RORB: variants seen among roughly 807,000 people sequenced by gnomAD.
RORB encodes the protein RAR related orphan receptor B.
In RORB, 6 loss-of-function variants were observed where a neutral mutation model predicts 59.1. The observed-to-expected ratio is 0.10, with a 90% CI of 0.06 to 0.20. The LOEUF (loss-of-function observed/expected upper bound fraction) is 0.20, where lower values mean the gene tolerates loss of function less well. Among genes scored for constraint, RORB ranks in the 10% least tolerant of loss-of-function variants. The pLI, the probability that RORB is intolerant of heterozygous loss-of-function variation, is 1.00. For synonymous variants in RORB, 215 were observed against 204.5 expected (o/e 1.05, Z -0.44); for missense variants, 320 against 560.5 (o/e 0.57, Z 4.33).
rs188874518 is a variant in RORB, at chr9:74,667,181, C to T, written c.1001-610C>T. 4.3e-3 allele frequency among the ~76,000 whole-genome samples: 657 copies of T among 152,224 alleles called. 1 individual carries two copies. The highest frequency in any genetic ancestry group is 0.024 in the Middle Eastern group (7 of 294). On this transcript the variant is annotated intron_variant, in intron 7 of 9. Transcript: ENST00000376896. ...GATGCAACATTATTTTGCCAAAATA[C>T]GCAACAGCTAAGCAACTGACCTGTG...
At chr9:74,499,371 C>T (rs761159320) in intron 1 of RORB, among the ~76,000 whole-genome samples, 2 of 152,188 alleles carry the variant, frequency 1.3e-5, no homozygotes, top group Non-Finnish European at 2.9e-5. Context: ...CTCACTCCCA[C>T]TCCCTCCCGC....
At chr9:74,511,436 CT>C (rs1229433353) in intron 1 of RORB, among the ~76,000 whole-genome samples, 13 of 151,092 alleles carry the variant, frequency 8.6e-5, no homozygotes, top group South Asian at 4.2e-4. Context: ...TTTTCTTCTT[CT>C]TTTTTTTTCT....
intron 1 of RORB, among the ~76,000 whole-genome samples, chr9:74,562,706 G>C (rs1822413539): frequency 6.6e-6 from 1 of 152,222 alleles, no homozygotes; most frequent in South Asian, 2.1e-4. Context: ...ATCCATGTCA[G>C]TGAGGAACTT....
intron 8 of RORB, among the ~76,000 whole-genome samples, chr9:74,670,732 C>T (rs1291352507): frequency 6.6e-6 from 1 of 152,168 alleles, no homozygotes; most frequent in Non-Finnish European, 1.5e-5. Flanking sequence ...CTCCAGGGTC[C>T]TGACATAAGA....
At chr9:74,614,336 T>G (rs1275275023) in intron 1 of RORB, among the ~76,000 whole-genome samples, 1 of 152,120 alleles carries the variant, frequency 6.6e-6, no homozygotes, top group Admixed American at 6.5e-5. Context: ...ATGTTATGAT[T>G]TGTTTAATAT....
chr9:74,584,350 T>C (rs151205244), intron 1 of RORB, among the ~76,000 whole-genome samples: 1 of 152,310 alleles, frequency 6.6e-6, no homozygotes, highest in East Asian at 1.9e-4. Flanking sequence ...GGCAAAATAT[T>C]TATCCTCTCT....
chr9:74,504,258 C>A (rs2118021182), intron 1 of RORB, among the ~76,000 whole-genome samples: 1 of 152,080 alleles, frequency 6.6e-6, no homozygotes, highest in Non-Finnish European at 1.5e-5. Flanking sequence ...AAAAATAACA[C>A]TTAGAAGGTA....
chr9:74,608,734 A>G (rs1419833714), intron 1 of RORB, among the ~76,000 whole-genome samples: 3 of 152,186 alleles, frequency 2.0e-5, no homozygotes, highest in Non-Finnish European at 4.4e-5. Flanking sequence ...ATATTTGCAA[A>G]CCCAGTCGCC....
At chr9:74,653,111 G>C (rs1824022494) in intron 4 of RORB, among the ~76,000 whole-genome samples, 1 of 152,144 alleles carries the variant, frequency 6.6e-6, no homozygotes, top group Admixed American at 6.5e-5. Flanking sequence ...AAAACTGGCT[G>C]TCTGTTTTGA....
chr9:74,503,258 G>A (rs969273369), intron 1 of RORB, among the ~76,000 whole-genome samples: 19 of 151,868 alleles, frequency 1.3e-4, no homozygotes, highest in Admixed American at 3.3e-4. Context: ...ACAGCTTTTT[G>A]CAAATATTTA....
intron 1 of RORB, among the ~76,000 whole-genome samples, chr9:74,618,222 C>T (rs779790892): frequency 9.9e-5 from 15 of 151,946 alleles, no homozygotes; most frequent in Admixed American, 3.3e-4. Flanking sequence ...GCATCAGTGG[C>T]TAAAGGCACA....
At chr9:74,550,644 T>C (rs1826592881) in intron 1 of RORB, among the ~76,000 whole-genome samples, 1 of 152,246 alleles carries the variant, frequency 6.6e-6, no homozygotes, top group Non-Finnish European at 1.5e-5. Context: ...GGATGTCACT[T>C]AAAACCATTT....
At position 74,692,700 on chromosome 9, in the gene RORB, A is replaced by C. The variant is rs1416143897; in HGVS notation, c.*7082A>C. 1 of 152,238 alleles carries C rather than the reference A, an allele frequency of 6.6e-6. No homozygotes were observed. The highest frequency in any genetic ancestry group is 2.4e-5 in the African/African-American group (1 of 41,464). 9.4% of individuals were successfully genotyped at this position (152,238 alleles called of 1,614,324 possible). ...ATAATAATTCTACTTTTTTAAAAGAATAATGTCTCTTATAGTCACCATTGA... is the reference window on the plus strand; with the variant it reads ...ATAATAATTCTACTTTTTTAAAAGACTAATGTCTCTTATAGTCACCATTGA... On this transcript the variant is annotated 3_prime_UTR_variant, in exon 10 of 10. Coordinates refer to ENST00000376896, the MANE Select transcript of RORB (RefSeq NM_006914.4).
intron 1 of RORB, among the ~76,000 whole-genome samples, chr9:74,612,780 A>G (rs551031526): frequency 6.6e-6 from 1 of 152,288 alleles, no homozygotes; most frequent in South Asian, 2.1e-4. Context: ...GTTCACAGGG[A>G]ACAATTCTGT....
chr9:74,523,640 A>T (rs1826113315), intron 1 of RORB, among the ~76,000 whole-genome samples: 1 of 151,948 alleles, frequency 6.6e-6, no homozygotes, highest in African/African-American at 2.4e-5. Context: ...CCTGATTGCC[A>T]GTGCCCTATA....
At chr9:74,613,984 G>A (rs564643885) in intron 1 of RORB, among the ~76,000 whole-genome samples, 14 of 152,286 alleles carry the variant, frequency 9.2e-5, no homozygotes, top group African/African-American at 2.6e-4. Context: ...CCATTGGTGG[G>A]CATCTGGGCT....
At position 74,571,414 on chromosome 9, in the gene RORB, A is replaced by AAAT. The variant is rs1563940652; in HGVS notation, c.8-58866_8-58865insTAA. On this transcript the variant is annotated intron_variant, in intron 1 of 9. Transcript: ENST00000376896. ...GCTACTTTCCTTTAAAAAAAAAAAA[A>AAAT]AAACACAGTTTTAATTACTAGAGTT... Among the ~76,000 whole-genome samples the AAAT allele has an allele frequency of 4.0e-3, 611 of 152,104 alleles. 1 individual carries two copies. Among genetic ancestry groups the AAAT allele is most frequent in the African/African-American group, 0.014 (583 of 41,444 alleles).
chr9:74,517,119 T>C (rs185912753), intron 1 of RORB, among the ~76,000 whole-genome samples: 1 of 152,114 alleles, frequency 6.6e-6, no homozygotes, highest in Admixed American at 6.6e-5. Context: ...AAAATATGCT[T>C]TCTATTAGAA....
rs547059100 is a variant in RORB, at chr9:74,660,240, G to A, written c.638-377G>A. On this transcript the variant is annotated intron_variant, in intron 4 of 9. Transcript: ENST00000376896. Reference sequence around the variant, plus strand: ...TTCTGAGATAAACAATAGGGTTCTAGTGATTTTCAAAACATTTTAAAGTAT... The same window carrying A: ...TTCTGAGATAAACAATAGGGTTCTAATGATTTTCAAAACATTTTAAAGTAT... 3.5e-4 allele frequency among the ~76,000 whole-genome samples: 53 copies of A among 152,188 alleles called. No individual in the cohort carries two copies. The South Asian group carries it at 0.011, about 30-fold the overall frequency.
Sources: gnomAD v4.1 joint callset for allele counts (sites outside exome capture counted in the v4.1 genomes callset) on GRCh38, gnomAD v4.1.1 for gene constraint, MANE v1.5 for transcripts, NCBI Gene and HGNC (gene_info 2026-07-23, HGNC 2026-07-21) for gene names.